PTPRC: variants seen among roughly 807,000 people sequenced by gnomAD.
PTPRC encodes the protein protein tyrosine phosphatase receptor type C.
A neutral mutation model predicts 155.9 loss-of-function variants in PTPRC; 44 were observed. That is an observed-to-expected ratio of 0.28 (90% CI 0.22 to 0.36). The LOEUF is 0.36. Among genes scored for constraint, PTPRC ranks in the 10% least tolerant of loss-of-function variants. The pLI is 1.00. For missense variants in PTPRC, 1,401 were observed against 1,564.6 expected, an observed-to-expected ratio of 0.90 and a Z score of 1.76; for synonymous variants, 525 against 533.1, an observed-to-expected ratio of 0.98 and a Z score of 0.21.
At chr1:198,683,466 T>C (rs1303571383) in intron 2 of PTPRC, among the ~76,000 whole-genome samples, 1 of 152,128 alleles carries the variant, frequency 6.6e-6, no homozygotes, top group Non-Finnish European at 1.5e-5. Context: ...ATCCCTGGAT[T>C]TAGGTAAATG....
chr1:198,712,523 C>G (rs151013621), intron 11 of PTPRC, among the ~76,000 whole-genome samples: 147 of 152,232 alleles, frequency 9.7e-4, no homozygotes, highest in African/African-American at 3.4e-3. Flanking sequence ...AAACATTTAT[C>G]AGTTTTTCTC....
intron 23 of PTPRC, among the ~76,000 whole-genome samples, chr1:198,740,621 A>G (rs968895691): frequency 6.6e-6 from 1 of 151,890 alleles, no homozygotes; most frequent in African/African-American, 2.4e-5. Context: ...AGTCAGACTA[A>G]GGAAAAAAGA....
intron 2 of PTPRC, among the ~76,000 whole-genome samples, chr1:198,652,009 C>G (rs1032534008): frequency 6.6e-6 from 1 of 151,648 alleles, no homozygotes; most frequent in Non-Finnish European, 1.5e-5. Context: ...ATAGGGAAAA[C>G]AGAATTATGG....
chr1:198,712,120 G>A, intron 11 of PTPRC, among the ~76,000 whole-genome samples: 1 of 152,158 alleles, frequency 6.6e-6, no homozygotes, highest in East Asian at 1.9e-4. Context: ...TAGGTAAAAT[G>A]TGGTGTATCT....
At position 198,716,805 on chromosome 1, in the gene PTPRC, G is replaced by A. The variant is rs1274421382; in HGVS notation, c.1415G>A (p.Ser472Asn). 6.2e-7 allele frequency: 1 copy of A among 1,613,458 alleles called. No homozygotes were observed. Among genetic ancestry groups the A allele is most frequent in the East Asian group, 2.2e-5 (1 of 44,818 alleles). ...YIIAKVQRNGSAAMCHFTTKS... is the reference protein window; with the variant it reads ...YIIAKVQRNGNAAMCHFTTKS... ...ATTGCAAAAGTGCAACGTAATGGAAGTGCTGCAATGTGTCATTTCACAACT... is the reference window on the plus strand; with the variant it reads ...ATTGCAAAAGTGCAACGTAATGGAAATGCTGCAATGTGTCATTTCACAACT... The change falls in exon 13 of 33, where the codon AGT becomes AAT. Residue 472 changes from serine to asparagine, a missense_variant. Physicochemically the swap from Ser to Asn is conservative, Grantham distance 46. Coordinates refer to ENST00000442510, the MANE Select transcript of PTPRC (RefSeq NM_002838.5).
At chr1:198,754,529 T>C (rs1571898472) in intron 32 of PTPRC, 125 bp downstream of exon 32, 3 of 1,126,594 alleles carry the variant, frequency 2.7e-6, no homozygotes, top group Non-Finnish European at 3.8e-6. Context: ...CCTTTTCTCT[T>C]CTCTATTTTC....
chr1:198,756,583 A>C lies in PTPRC; in HGVS notation c.*402A>C. ...TATTAGAAGTGTTAACTTAGCTTGAAGGATCTGTTTTTAAAAATCATAAAC... is the reference window on the plus strand; with the variant it reads ...TATTAGAAGTGTTAACTTAGCTTGACGGATCTGTTTTTAAAAATCATAAAC... On this transcript the variant is annotated 3_prime_UTR_variant, in exon 33 of 33. Coordinates refer to ENST00000442510, the MANE Select transcript of PTPRC (RefSeq NM_002838.5). 5.3e-6 allele frequency: 1 copy of C among 187,186 alleles called. No homozygotes were observed. Among genetic ancestry groups the C allele is most frequent in the Non-Finnish European group, 1.1e-5 (1 of 91,562 alleles). The allele number at this position is 187,186 out of a possible 1,614,324, so 11.6% of individuals were successfully genotyped here. A position where few individuals can be genotyped will look rare whatever the true frequency, so the allele number is the denominator to read the frequency against.
intron 26 of PTPRC, among the ~76,000 whole-genome samples, chr1:198,747,365 G>C (rs1041316865): frequency 4.0e-5 from 6 of 151,752 alleles, no homozygotes; most frequent in East Asian, 1.9e-4. Flanking sequence ...AAGGTGTAAG[G>C]CTGGAGAAAC....
At chr1:198,741,801 C>A (rs1185803104) in intron 23 of PTPRC, 68 bp from the exon 24 acceptor site, 81 of 1,483,710 alleles carry the variant, frequency 5.5e-5, no homozygotes, top group Non-Finnish European at 7.1e-5. Flanking sequence ...GTACTCCCTT[C>A]CACTTATTTA....
intron 2 of PTPRC, among the ~76,000 whole-genome samples, chr1:198,675,330 T>C (rs1162093483): frequency 2.6e-5 from 4 of 152,170 alleles, no homozygotes; most frequent in Non-Finnish European, 5.9e-5. Context: ...GTATTTATTA[T>C]AGAAAAAATT....
At chr1:198,751,804 C>G (rs1655397649) in intron 29 of PTPRC, among the ~76,000 whole-genome samples, 1 of 152,012 alleles carries the variant, frequency 6.6e-6, no homozygotes, top group Non-Finnish European at 1.5e-5. Flanking sequence ...AACAAGATGA[C>G]AGAGACAAAG....
intron 23 of PTPRC, among the ~76,000 whole-genome samples, chr1:198,740,203 A>T (rs1654835700): frequency 6.6e-6 from 1 of 151,920 alleles, no homozygotes; most frequent in South Asian, 2.1e-4. Context: ...AGAAAAAATA[A>T]TAAAGATCAA....
Position 198,734,310 on chromosome 1 carries a change from T to A in PTPRC, c.2180-18T>A, listed in dbSNP as rs1321202051. On this transcript the variant is annotated intron_variant, in intron 21 of 32. Coordinates refer to ENST00000442510, the MANE Select transcript of PTPRC (RefSeq NM_002838.5). The stretch of plus-strand genomic sequence containing the variant: ...TAAGAAAATTTTTCTTATCAGCTTT[T>A]ATTTGTTTACCTCCTAGGTCCCAGG... 1 of 1,610,810 alleles carries A rather than the reference T, an allele frequency of 6.2e-7. No homozygotes were observed. Among genetic ancestry groups the A allele is most frequent in the Non-Finnish European group, 8.5e-7 (1 of 1,177,668 alleles).
At chr1:198,661,829 T>A (rs1663985592) in intron 2 of PTPRC, among the ~76,000 whole-genome samples, 2 of 152,216 alleles carry the variant, frequency 1.3e-5, no homozygotes, top group South Asian at 4.1e-4. Context: ...TATACTATTA[T>A]TTTTTAGGAC....
intron 2 of PTPRC, chr1:198,667,037 G>A (rs1222751001): frequency 6.6e-6 from 1 of 152,192 alleles, no homozygotes; most frequent in Admixed American, 6.5e-5. Context: ...CCATTCGATA[G>A]GCTTTTGTCT....
intron 3 of PTPRC, chr1:198,692,989 A>G (rs1366079448): frequency 1.1e-6 from 1 of 935,930 alleles, no homozygotes; most frequent in Non-Finnish European, 1.3e-6. Flanking sequence ...TAAATTGCAG[A>G]TGGTTAAATA....
At chr1:198,672,813 A>G (rs1467058528) in intron 2 of PTPRC, among the ~76,000 whole-genome samples, 1 of 152,158 alleles carries the variant, frequency 6.6e-6, no homozygotes, top group Non-Finnish European at 1.5e-5. Flanking sequence ...AGCATTTTAC[A>G]GCCTGCTAAT....
chr1:198,649,013 G>A (rs1346033514), intron 2 of PTPRC, among the ~76,000 whole-genome samples: 1 of 151,748 alleles, frequency 6.6e-6, no homozygotes, highest in Non-Finnish European at 1.5e-5. Context: ...ATTCCAGGAA[G>A]TGTAGACACT....
At chr1:198,694,695 G>T (rs1666106856) in intron 3 of PTPRC, 1 of 978,262 alleles carries the variant, frequency 1.0e-6, no homozygotes, top group East Asian at 1.1e-4. Context: ...TGAATAGAAA[G>T]AATTCTAAAC....
Sources: allele counts gnomAD v4.1 joint callset (sites outside exome capture counted in the v4.1 genomes callset), GRCh38; gene constraint gnomAD v4.1.1; transcripts MANE v1.5; gene names NCBI Gene and HGNC (gene_info 2026-07-23, HGNC 2026-07-21).